DIDO1: variants seen among roughly 807,000 people sequenced by gnomAD.
DIDO1 encodes the protein death-inducer obliterator 1.
DIDO1 carries 16 observed loss-of-function variants against 99.4 expected under a neutral mutation model. That is an observed-to-expected ratio of 0.16 (90% CI 0.11 to 0.24). The LOEUF (loss-of-function observed/expected upper bound fraction) is 0.24, where lower values mean the gene tolerates loss of function less well. Among genes scored for constraint, DIDO1 ranks in the 10% least tolerant of loss-of-function variants. DIDO1 has a pLI of 1.00. For missense variants in DIDO1, 2,996 were observed against 3,014.0 expected (o/e 0.99, Z 0.14); for synonymous variants, 1,366 against 1,239.1 (o/e 1.10, Z -2.15).
In DIDO1 at chr20:62,878,182, CAA is replaced by C. The variant is rs896549798; in HGVS notation, c.*1049_*1050del. 6.6e-5 allele frequency: 10 copies of C among 152,294 alleles called. No homozygotes were observed. The highest frequency in any genetic ancestry group is 4.4e-5 in the Non-Finnish European group (3 of 68,020). The allele number at this position is 152,294 out of a possible 1,614,324, so 9.4% of individuals were successfully genotyped here. On this transcript the variant is annotated 3_prime_UTR_variant, in exon 16 of 16. Coordinates refer to ENST00000395343, the MANE Select transcript of DIDO1 (RefSeq NM_001193369.2). ...AGTTTATGAAAATATAAAAAATTAT[CAA>C]AGTGTATTTGTACAAATAAATTAGC...
At chr20:62,891,586 G>A (rs2064399591) in intron 14 of DIDO1, among the ~76,000 whole-genome samples, 1 of 152,106 alleles carries the variant, frequency 6.6e-6, no homozygotes, top group African/African-American at 2.4e-5. Context: ...TGAGTGCCCT[G>A]AGCCTGATCA....
chr20:62,922,778 C>T (rs1226573875), intron 1 of DIDO1, among the ~76,000 whole-genome samples: 6 of 152,136 alleles, frequency 3.9e-5, no homozygotes, highest in Admixed American at 1.3e-4. Context: ...TCTATTTGTC[C>T]GACATATTTG....
Position 62,879,225 on chromosome 20 carries a change from CGGG to C in DIDO1, c.*5_*7del, listed in dbSNP as rs1306323720. On this transcript the variant is annotated 3_prime_UTR_variant, in exon 16 of 16. Transcript: ENST00000395343. This position sits in a 1 kb window ranked among gnomAD's most constrained non-coding sequence, Gnocchi z 6.3. ...GCTTTAAAAAGGGTCTCTGCCCGGC[CGGG>C]GCGTCTAGGCCTGCGAGGCGGTGCC... 1 of 1,488,336 alleles carries C rather than the reference CGGG, an allele frequency of 6.7e-7. No homozygotes were observed. Among genetic ancestry groups the C allele is most frequent in the Non-Finnish European group, 8.9e-7 (1 of 1,124,820 alleles). The allele number at this position is 1,488,336 out of a possible 1,614,324, so 92.2% of individuals were successfully genotyped here.
In DIDO1 at chr20:62,911,186, T is replaced by C. The variant is rs757099576; in HGVS notation, c.427A>G (p.Lys143Glu). Reference sequence around the variant, plus strand: ...GTGTCATCGTGGTCATCCCCTCCTTTCACCTTTTCAGAAGAGGCTGGTCGT... The same window carrying C: ...GTGTCATCGTGGTCATCCCCTCCTTCCACCTTTTCAGAAGAGGCTGGTCGT... ...KERPASSEKV[K>E]GGDDHDDTSD... Residue 143 changes from lysine to glutamate, a missense_variant, in exon 3 of 16, where the codon AAA (lysine) becomes GAA (glutamate). Transcript: ENST00000395343. This position sits in a 1 kb window ranked among gnomAD's most constrained non-coding sequence, Gnocchi z 7.0. The C allele has an allele frequency of 5.0e-6, 8 of 1,613,830 alleles. No homozygotes were observed. Among genetic ancestry groups the C allele is most frequent in the Non-Finnish European group, 6.8e-6 (8 of 1,180,040 alleles).
intron 6 of DIDO1, 47 bp downstream of exon 6, chr20:62,905,840 G>A (rs1382881849): frequency 1.2e-6 from 2 of 1,613,982 alleles, no homozygotes; most frequent in East Asian, 2.2e-5. Context: ...TGGCTATCCA[G>A]AAAGAACGGG....
Position 62,880,377 on chromosome 20 carries a change from T to C in DIDO1, c.5579A>G (p.Tyr1860Cys), listed in dbSNP as rs773306161. The change falls in exon 16 of 16, where the codon TAT (tyrosine) becomes TGT (cysteine). Residue 1860 changes from tyrosine (Y) to cysteine (C), a missense_variant. By Grantham distance (194) the Tyr-to-Cys change is radical. Transcript: ENST00000395343. ...GGCGGGGGCGCCCGTCACCTCGTTA[T>C]ACGGGGCGTCCTGGAACTCCCTCTT... Reference protein sequence around the residue: ...GEKREFQDAPYNEVTGAPAQF... With the variant: ...GEKREFQDAPCNEVTGAPAQF... 6 of 1,612,710 alleles carry C rather than the reference T, an allele frequency of 3.7e-6. No individual in the cohort carries two copies. Among genetic ancestry groups the C allele is most frequent in the Middle Eastern group, 1.6e-4 (1 of 6,082 alleles).
In DIDO1 at chr20:62,894,249, C is replaced by G; in HGVS notation, c.2573-55G>C. On this transcript the variant is annotated intron_variant, in intron 11 of 15. Coordinates refer to ENST00000395343, the MANE Select transcript of DIDO1 (RefSeq NM_001193369.2). The surrounding 1 kb of genome is among the most constrained non-coding windows in gnomAD (Gnocchi z 4.4). ...AAACCCAGCCGGCACACTGGTGTTT[C>G]TCACACAAAGCCGAAAGCAATACTC... The G allele has an allele frequency of 6.3e-7, 1 of 1,589,618 alleles. No individual in the cohort carries two copies. The highest frequency in any genetic ancestry group is 8.6e-7 in the Non-Finnish European group (1 of 1,165,952).
chr20:62,928,013 G>T (rs749471263), upstream of DIDO1, among the ~76,000 whole-genome samples: 6 of 152,112 alleles, frequency 3.9e-5, no homozygotes, highest in Non-Finnish European at 7.4e-5. Context: ...GTTAAAGGAG[G>T]GCTCACATGC....
intron 6 of DIDO1, among the ~76,000 whole-genome samples, chr20:62,897,418 A>G (rs2064561021): frequency 6.6e-6 from 1 of 152,222 alleles, no homozygotes; most frequent in African/African-American, 2.4e-5. Context: ...ACCGTTTAGA[A>G]GCGTAAAACA....
At position 62,880,546 on chromosome 20, in the gene DIDO1, T is replaced by G. The variant is rs2147343832; in HGVS notation, c.5410A>C (p.Lys1804Gln). 6.2e-7 allele frequency: 1 copy of G among 1,613,004 alleles called. No homozygotes were observed. Among genetic ancestry groups the G allele is most frequent in the Admixed American group, 1.7e-5 (1 of 60,026 alleles). The change falls in exon 16 of 16, where the codon AAG (lysine) becomes CAG (glutamine). Residue 1804 changes from lysine (K) to glutamine (Q), a missense_variant. By Grantham distance (53) the Lys-to-Gln change is moderately conservative. Coordinates refer to ENST00000395343, the MANE Select transcript of DIDO1 (RefSeq NM_001193369.2). ...GAGAATAAGGAAGGGATGGGCCCCTTCTGGGCTCCGAATCTGGCTGGCGGA... is the reference window on the plus strand; with the variant it reads ...GAGAATAAGGAAGGGATGGGCCCCTGCTGGGCTCCGAATCTGGCTGGCGGA... ...GPPPARFGAQ[K>Q]GPIPSLFSGQ...
chr20:62,916,030 A>G (rs1463334588), intron 1 of DIDO1, among the ~76,000 whole-genome samples: 1 of 152,188 alleles, frequency 6.6e-6, no homozygotes, highest in Non-Finnish European at 1.5e-5. Context: ...AACAGAGAAA[A>G]TTTACTATAA....
chr20:62,894,708 C>T lies in DIDO1; in HGVS notation c.2436+102G>A. The T allele has an allele frequency of 7.1e-7, 1 of 1,413,238 alleles. No individual in the cohort carries two copies. Among genetic ancestry groups the T allele is most frequent in the Non-Finnish European group, 9.6e-7 (1 of 1,045,668 alleles). 87.5% of individuals were successfully genotyped at this position (1,413,238 alleles called of 1,614,324 possible). On this transcript the variant is annotated intron_variant, in intron 10 of 15. Transcript: ENST00000395343. This position sits in a 1 kb window ranked among gnomAD's most constrained non-coding sequence, Gnocchi z 4.4. ...TGAGGAATGCCACAATGACATACAC[C>T]TGCTGTAAGCTCAGGTCCTGCCCAA...
chr20:62,909,769 T>A lies in DIDO1; in HGVS notation c.1091A>T (p.Gln364Leu). The change falls in exon 4 of 16, where the codon CAA (glutamine) becomes CTA (leucine). Residue 364 changes from glutamine (Q) to leucine (L), a missense_variant. Physicochemically the swap from Gln to Leu is moderately radical, Grantham distance 113 (BLOSUM62 -2). Around this residue, in one of 5 missense-constraint regions of DIDO1, gnomAD observed 898 missense variants for 972.7 expected, o/e 0.92. Transcript: ENST00000395343. ...TTTCTCAATTCTACCCTTTATCCCT[T>A]GGTCTTCGCTAGACTTCTGCTCTAT... ...GTIEQKSSED[Q>L]GIKGRIEKAA... 6.2e-7 allele frequency: 1 copy of A among 1,614,262 alleles called. No individual in the cohort carries two copies. The highest frequency in any genetic ancestry group is 2.2e-5 in the East Asian group (1 of 44,890).
intron 1 of DIDO1, among the ~76,000 whole-genome samples, chr20:62,933,578 G>A (rs2065351636): frequency 6.6e-6 from 1 of 152,144 alleles, no homozygotes; most frequent in Non-Finnish European, 1.5e-5. Flanking sequence ...TATGATTTGA[G>A]TAAAGGAAGC....
At position 62,914,389 on chromosome 20, in the gene DIDO1, T is replaced by C. The variant is rs2065001711; in HGVS notation, c.-182A>G. ...AACAACTCAGATTATCTAGAGGCTG[T>C]TCCCGTGGAGTAAGCTCCTAAAAGA... On this transcript the variant is annotated 5_prime_UTR_variant, in exon 2 of 16. Transcript: ENST00000395343. The C allele has an allele frequency of 6.6e-6, 1 of 152,338 alleles. No homozygotes were observed. Among genetic ancestry groups the C allele is most frequent in the South Asian group, 2.1e-4 (1 of 4,822 alleles). The allele number at this position is 152,338 out of a possible 1,614,324, so 9.4% of individuals were successfully genotyped here.
chr20:62,907,126 G>A lies in DIDO1; in HGVS notation c.1374+21C>T, dbSNP rs747880752. The stretch of plus-strand genomic sequence containing the variant: ...ACGCCTGTGCGTCCACTGCCTGGGC[G>A]GCTGGTCCTGGTCCACTCACCTGAG... On this transcript the variant is annotated intron_variant, in intron 5 of 15. Coordinates refer to ENST00000395343, the MANE Select transcript of DIDO1 (RefSeq NM_001193369.2). 3.2e-5 allele frequency: 51 copies of A among 1,612,642 alleles called. 1 individual carries two copies. Among genetic ancestry groups the A allele is most frequent in the African/African-American group, 1.2e-4 (9 of 74,858 alleles).
At chr20:62,890,548 G>A (rs986323353) in intron 15 of DIDO1, 1 of 1,013,460 alleles carries the variant, frequency 9.9e-7, no homozygotes, top group African/African-American at 1.7e-5. Flanking sequence ...ATCCATCCCT[G>A]TTAGAGAAGT....
At chr20:62,891,227 G>A in intron 14 of DIDO1, 72 bp from the exon 15 acceptor site, 2 of 1,596,062 alleles carry the variant, frequency 1.3e-6, no homozygotes. Context: ...TTCACATCCT[G>A]CTTTCAACAG....
At chr20:62,921,959 A>C (rs1212442068) in intron 1 of DIDO1, among the ~76,000 whole-genome samples, 1 of 150,306 alleles carries the variant, frequency 6.7e-6, no homozygotes, top group Non-Finnish European at 1.5e-5. Context: ...ATATGTCCAC[A>C]ATATATATAC....
Sources: gnomAD v4.1 joint callset for allele counts (sites outside exome capture counted in the v4.1 genomes callset) on GRCh38, gnomAD v4.1.1 for gene constraint, gnomAD v4.1.1 regional missense constraint, Gnocchi (gnomAD v3.1) non-coding constraint, MANE v1.5 for transcripts, NCBI Gene and HGNC (gene_info 2026-07-23, HGNC 2026-07-21) for gene names.